DSCAML1: variants seen among roughly 807,000 people sequenced by gnomAD.
DSCAML1 encodes the protein cell adhesion molecule DSCAML1.
Under a neutral mutation model 200.5 loss-of-function variants are expected in DSCAML1, and 38 were observed. That is an observed-to-expected ratio of 0.19 (90% CI 0.15 to 0.25). The LOEUF (loss-of-function observed/expected upper bound fraction) is 0.25, where lower values mean the gene tolerates loss of function less well. DSCAML1 is among the 10% of genes least tolerant of loss of function. The pLI, the probability that DSCAML1 is intolerant of heterozygous loss-of-function variation, is 1.00. For missense variants in DSCAML1, 2,223 were observed against 2,858.8 expected, an observed-to-expected ratio of 0.78 and a Z score of 5.07; for synonymous variants, 1,215 against 1,165.0, an observed-to-expected ratio of 1.04 and a Z score of -0.87.
At chr11:117,651,256 A>G (rs1424186760) in intron 3 of DSCAML1, among the ~76,000 whole-genome samples, 1 of 152,226 alleles carries the variant, frequency 6.6e-6, no homozygotes, top group African/African-American at 2.4e-5. Context: ...AACAGATGAT[A>G]AGGCCACAGA....
Position 117,508,545 on chromosome 11 carries a change from A to AG in DSCAML1, c.1784-2814dup, listed in dbSNP as rs1334040199. On this transcript the variant is annotated intron_variant, in intron 8 of 32. Transcript: ENST00000651296. The stretch of plus-strand genomic sequence containing the variant: ...AGGATGGGGGCTCAGCTAGAATAAG[A>AG]GGGGGGGTCTGTGCTGCTCCTCGAG... Among the ~76,000 whole-genome samples, 11 of 146,668 alleles carry AG rather than the reference A, an allele frequency of 7.5e-5. No individual in the cohort carries two copies. In the East Asian group the frequency reaches 8.4e-4, roughly 11 times the overall value.
chr11:117,576,331 A>T (rs1192869781), intron 3 of DSCAML1, among the ~76,000 whole-genome samples: 1 of 152,060 alleles, frequency 6.6e-6, no homozygotes, highest in Non-Finnish European at 1.5e-5. Context: ...CCCAGAGGTG[A>T]GGGGTTCTCC....
intron 15 of DSCAML1, among the ~76,000 whole-genome samples, chr11:117,471,035 G>C (rs1565713633): frequency 6.6e-6 from 1 of 152,218 alleles, no homozygotes; most frequent in Non-Finnish European, 1.5e-5. Context: ...TTCAAGAGGA[G>C]GGGTGGTGTT....
chr11:117,529,559 T>C (rs938888406), intron 4 of DSCAML1, among the ~76,000 whole-genome samples: 1 of 152,206 alleles, frequency 6.6e-6, no homozygotes, highest in African/African-American at 2.4e-5. Flanking sequence ...GCCATCTTAA[T>C]AATACACCTC....
chr11:117,713,277 A>T (rs7951090), intron 3 of DSCAML1, among the ~76,000 whole-genome samples: 2 of 152,180 alleles, frequency 1.3e-5, no homozygotes, highest in Non-Finnish European at 2.9e-5. Context: ...CACCACACCC[A>T]GCTAATTTTT....
chr11:117,452,835 A>G (rs537932528), intron 19 of DSCAML1, among the ~76,000 whole-genome samples: 1 of 152,322 alleles, frequency 6.6e-6, no homozygotes, highest in Non-Finnish European at 1.5e-5. Context: ...CCAAAGTCTA[A>G]TATCAATGGG....
At chr11:117,487,340 G>C (rs1268463451) in intron 11 of DSCAML1, among the ~76,000 whole-genome samples, 1 of 152,062 alleles carries the variant, frequency 6.6e-6, no homozygotes, top group East Asian at 1.9e-4. Flanking sequence ...GTGACAGAGA[G>C]GGGATTTCAA....
At position 117,480,422 on chromosome 11, in the gene DSCAML1, C is replaced by T. The variant is rs770245550; in HGVS notation, c.2785+21G>A. 257 of 1,612,388 alleles carry T rather than the reference C, an allele frequency of 1.6e-4. No homozygotes were observed. The highest frequency in any genetic ancestry group is 2.1e-4 in the Non-Finnish European group (253 of 1,179,444). On this transcript the variant is annotated intron_variant, in intron 14 of 32. Transcript: ENST00000651296. This position sits in a 1 kb window ranked among gnomAD's most constrained non-coding sequence, Gnocchi z 4.1. The stretch of plus-strand genomic sequence containing the variant: ...GGGGCCATGGCAGGCCACGCTGTCA[C>T]CCTCCTGGCCCAGCGCCTACCTGAT...
chr11:117,673,790 C>G (rs2053157862), intron 3 of DSCAML1, among the ~76,000 whole-genome samples: 1 of 152,172 alleles, frequency 6.6e-6, no homozygotes, highest in Admixed American at 6.5e-5. Context: ...GCACAATCAG[C>G]CTTTATTAAC....
intron 3 of DSCAML1, among the ~76,000 whole-genome samples, chr11:117,609,038 A>AAAAC (rs1555189843): frequency 5.3e-5 from 8 of 149,658 alleles, no homozygotes; most frequent in African/African-American, 1.5e-4. Context: ...AAACAAACAA[A>AAAAC]AAAAACAAAA....
intron 1 of DSCAML1, among the ~76,000 whole-genome samples, chr11:117,794,952 C>T (rs544451607): frequency 2.6e-5 from 4 of 152,380 alleles, no homozygotes; most frequent in South Asian, 2.1e-4. Flanking sequence ...CCACAACTGG[C>T]ATCTCCAGCC....
intron 3 of DSCAML1, among the ~76,000 whole-genome samples, chr11:117,543,770 T>G (rs931509817): frequency 6.6e-6 from 1 of 151,934 alleles, no homozygotes; most frequent in Non-Finnish European, 1.5e-5. Context: ...AAGGCTGTTG[T>G]GATGTATATG....
chr11:117,796,020 G>A (rs931784259), intron 1 of DSCAML1, among the ~76,000 whole-genome samples: 1 of 152,216 alleles, frequency 6.6e-6, no homozygotes, highest in African/African-American at 2.4e-5. Flanking sequence ...GAGTTCGGCC[G>A]CCTCATCTCC....
At chr11:117,638,002 T>C (rs1200991547) in intron 3 of DSCAML1, among the ~76,000 whole-genome samples, 1 of 152,154 alleles carries the variant, frequency 6.6e-6, no homozygotes, top group Non-Finnish European at 1.5e-5. Flanking sequence ...TCCTCACATA[T>C]GCAGACATGG....
intron 3 of DSCAML1, among the ~76,000 whole-genome samples, chr11:117,775,341 C>T (rs1462329534): frequency 6.6e-6 from 1 of 152,216 alleles, no homozygotes; most frequent in Non-Finnish European, 1.5e-5. Context: ...GCCTTCAGCA[C>T]CATCCTCATC....
intron 3 of DSCAML1, among the ~76,000 whole-genome samples, chr11:117,636,325 T>C (rs2052282255): frequency 6.6e-6 from 1 of 152,218 alleles, no homozygotes; most frequent in African/African-American, 2.4e-5. Context: ...CATTATCATA[T>C]TTTAATTAAA....
At chr11:117,776,253 C>T (rs61905347) in intron 3 of DSCAML1, among the ~76,000 whole-genome samples, 20,634 of 152,102 alleles carry the variant, frequency 0.14, 2,203 homozygotes, top group African/African-American at 0.3. Context: ...AGCCTCAATG[C>T]GAGGCCAGCT....
At chr11:117,564,314 C>A (rs1457777963) in intron 3 of DSCAML1, among the ~76,000 whole-genome samples, 1 of 152,176 alleles carries the variant, frequency 6.6e-6, no homozygotes, top group Non-Finnish European at 1.5e-5. Flanking sequence ...ATTTCTCTAC[C>A]TTGTGCAGAG....
chr11:117,779,158 A>C (rs775545968), intron 2 of DSCAML1, among the ~76,000 whole-genome samples: 14 of 152,172 alleles, frequency 9.2e-5, no homozygotes, highest in Non-Finnish European at 2.1e-4. Flanking sequence ...TCCCTGGAAA[A>C]GATGGTGTGA....
Sources: gnomAD v4.1 joint callset for allele counts (sites outside exome capture counted in the v4.1 genomes callset) on GRCh38, gnomAD v4.1.1 for gene constraint, Gnocchi (gnomAD v3.1) non-coding constraint, MANE v1.5 for transcripts, NCBI Gene and HGNC (gene_info 2026-07-23, HGNC 2026-07-21) for gene names.